The following TMEFF2 variants were observed in gnomAD, a reference collection of about 807,000 sequenced individuals.
The protein encoded by TMEFF2 is transmembrane protein with EGF like and two follistatin like domains 2.
TMEFF2 carries 28 observed loss-of-function variants against 53.8 expected under a neutral mutation model. The observed-to-expected ratio is 0.52, with a 90% CI of 0.39 to 0.71. TMEFF2 has a LOEUF of 0.71. TMEFF2 is among the 30% of genes least tolerant of loss of function. The pLI is 0.00. For missense variants in TMEFF2, 353 were observed against 455.2 expected (o/e 0.78, Z 2.04); for synonymous variants, 162 against 166.3 (o/e 0.97, Z 0.20).
At chr2:191,953,883 A>ATTTTTTTTTTTTTTTGTTTTTTT (rs1691970435) in intron 8 of TMEFF2, 46 bp from the exon 9 acceptor site, 1 of 536,052 alleles carries the variant, frequency 1.9e-6, no homozygotes, top group Non-Finnish European at 2.5e-6. Flanking sequence ...TGCTGCATTC[A>ATTTTTTTTTTTTTTTGTTTTTTT]TTTTTTTTTT....
intron 7 of TMEFF2, among the ~76,000 whole-genome samples, chr2:191,971,509 TTTTGCTTTG>T (rs1180696757): frequency 2.6e-5 from 4 of 152,200 alleles, no homozygotes; most frequent in Admixed American, 6.5e-5. Context: ...AGCCCCTCAC[TTTTGCTTTG>T]ATTGATGTTG....
At chr2:192,027,827 C>G (rs1342507478) in intron 5 of TMEFF2, 1 of 152,182 alleles carries the variant, frequency 6.6e-6, no homozygotes, top group Non-Finnish European at 1.5e-5. Context: ...GAGCTGTGTT[C>G]AATATGTGTG....
intron 5 of TMEFF2, among the ~76,000 whole-genome samples, chr2:192,017,770 A>G (rs1686775031): frequency 6.6e-6 from 1 of 152,180 alleles, no homozygotes; most frequent in Non-Finnish European, 1.5e-5. Context: ...ATTAGAACCC[A>G]ACCACTAGAA....
At chr2:192,181,995 C>A (rs1056722126) in intron 3 of TMEFF2, among the ~76,000 whole-genome samples, 24 of 151,672 alleles carry the variant, frequency 1.6e-4, no homozygotes, top group Admixed American at 6.6e-4. Context: ...GACAGAAACA[C>A]CTAAGAAAAG....
At chr2:192,013,756 T>G (rs1240595479) in intron 5 of TMEFF2, among the ~76,000 whole-genome samples, 1 of 152,204 alleles carries the variant, frequency 6.6e-6, no homozygotes, top group Non-Finnish European at 1.5e-5. Flanking sequence ...TGGCCCATAC[T>G]TGATTTTTTT....
intron 4 of TMEFF2, among the ~76,000 whole-genome samples, chr2:192,067,523 G>A (rs988827141): frequency 2.0e-5 from 3 of 151,812 alleles, no homozygotes; most frequent in African/African-American, 7.2e-5. Context: ...TGTGAATAAA[G>A]GAAGACCTAA....
chr2:192,109,421 TTCC>T (rs1440898833), intron 4 of TMEFF2, among the ~76,000 whole-genome samples: 1 of 152,098 alleles, frequency 6.6e-6, no homozygotes, highest in Non-Finnish European at 1.5e-5. Flanking sequence ...AGGTATCTGT[TTCC>T]TTAGTATATT....
At chr2:192,112,366 G>A (rs1397051752) in intron 4 of TMEFF2, among the ~76,000 whole-genome samples, 1 of 152,150 alleles carries the variant, frequency 6.6e-6, no homozygotes. Flanking sequence ...GGAGCTTTAA[G>A]ATTTTACTGC....
intron 5 of TMEFF2, among the ~76,000 whole-genome samples, chr2:192,027,069 TTAAA>T (rs1559089939): frequency 6.6e-6 from 1 of 152,126 alleles, no homozygotes; most frequent in African/African-American, 2.4e-5. Context: ...TAACAATAAC[TTAAA>T]TAAGATTTTT....
At chr2:191,973,461 A>G (rs1406311341) in intron 7 of TMEFF2, among the ~76,000 whole-genome samples, 1 of 95,884 alleles carries the variant, frequency 1.0e-5, no homozygotes, top group African/African-American at 3.5e-5. Flanking sequence ...ACACATATGC[A>G]TATATATACC....
intron 5 of TMEFF2, among the ~76,000 whole-genome samples, chr2:192,008,393 T>G (rs77653027): frequency 0.057 from 8,736 of 152,256 alleles, 308 homozygotes; most frequent in African/African-American, 0.097. Flanking sequence ...TTCCTCAGGA[T>G]TATTCTTTCT....
At chr2:192,009,635 A>G (rs570693145) in intron 5 of TMEFF2, among the ~76,000 whole-genome samples, 2 of 152,098 alleles carry the variant, frequency 1.3e-5, no homozygotes, top group Admixed American at 6.6e-5. Flanking sequence ...TTTAATACAT[A>G]TTATACCATG....
chr2:191,958,227 A>T (rs1393661042), intron 7 of TMEFF2, among the ~76,000 whole-genome samples: 1 of 152,140 alleles, frequency 6.6e-6, no homozygotes, highest in Non-Finnish European at 1.5e-5. Flanking sequence ...TGCTGGTGTA[A>T]TGAACCAGCT....
At chr2:192,058,871 T>C (rs1212716190) in intron 4 of TMEFF2, among the ~76,000 whole-genome samples, 1 of 152,198 alleles carries the variant, frequency 6.6e-6, no homozygotes, top group African/African-American at 2.4e-5. Flanking sequence ...CCTGTCTTTA[T>C]GAACATTTTA....
intron 4 of TMEFF2, among the ~76,000 whole-genome samples, chr2:192,101,731 A>G (rs941903498): frequency 6.6e-6 from 1 of 152,210 alleles, no homozygotes; most frequent in African/African-American, 2.4e-5. Flanking sequence ...ATCTCATGCT[A>G]TAACAAAAGA....
chr2:191,976,208 A>C (rs537881328), intron 7 of TMEFF2, among the ~76,000 whole-genome samples: 41 of 152,310 alleles, frequency 2.7e-4, no homozygotes, highest in African/African-American at 8.4e-4. Flanking sequence ...AATCAAGTCA[A>C]ATACTCCTCT....
chr2:192,128,089 A>G (rs1689721611), intron 4 of TMEFF2, among the ~76,000 whole-genome samples: 1 of 152,144 alleles, frequency 6.6e-6, no homozygotes. Flanking sequence ...AGTTTTTAGT[A>G]TTTTACATAA....
rs57774457 is a variant in TMEFF2, at chr2:192,063,254, C to T, written c.440-5479G>A. On this transcript the variant is annotated intron_variant, in intron 4 of 9. Coordinates refer to ENST00000272771, the MANE Select transcript of TMEFF2 (RefSeq NM_016192.4). Reference sequence around the variant, plus strand: ...TGATATGTTGTGTTTTCATGTATTTCTGTTCAAAATATATATTGGAATATC... The same window carrying T: ...TGATATGTTGTGTTTTCATGTATTTTTGTTCAAAATATATATTGGAATATC... Among the ~76,000 whole-genome samples, 770 of 151,842 alleles carry T rather than the reference C, an allele frequency of 5.1e-3. 5 individuals carry two copies. The highest frequency in any genetic ancestry group is 0.017 in the African/African-American group (711 of 41,486).
intron 4 of TMEFF2, among the ~76,000 whole-genome samples, chr2:192,118,774 T>C (rs2105963674): frequency 6.6e-6 from 1 of 152,328 alleles, no homozygotes; most frequent in South Asian, 2.1e-4. Context: ...TGTCCAGATA[T>C]GAAAATACTT....
Sources: allele counts gnomAD v4.1 joint callset (sites outside exome capture counted in the v4.1 genomes callset), GRCh38; gene constraint gnomAD v4.1.1; transcripts MANE v1.5; gene names NCBI Gene and HGNC (gene_info 2026-07-23, HGNC 2026-07-21).